The following DNMT3B variants were observed in gnomAD, a reference collection of about 807,000 sequenced individuals.
DNMT3B encodes DNA methyltransferase 3 beta.
In DNMT3B, 37 loss-of-function variants were observed where a neutral mutation model predicts 120.2. That is an observed-to-expected ratio of 0.31 (90% CI 0.24 to 0.40). The LOEUF is 0.40. DNMT3B is among the 10% of genes least tolerant of loss of function. The pLI, the probability that DNMT3B is intolerant of heterozygous loss-of-function variation, is 1.00. For missense variants in DNMT3B, 878 were observed against 1,137.3 expected, an observed-to-expected ratio of 0.77 and a Z score of 3.28; for synonymous variants, 412 against 442.8, an observed-to-expected ratio of 0.93 and a Z score of 0.87.
chr20:32,765,051 T>A (rs980424722), intron 1 of DNMT3B, among the ~76,000 whole-genome samples: 1 of 152,234 alleles, frequency 6.6e-6, no homozygotes, highest in African/African-American at 2.4e-5. Context: ...GCCGGCTGCC[T>A]CACCTCCAGG....
chr20:32,795,887 A>C (rs888035086), intron 12 of DNMT3B, among the ~76,000 whole-genome samples, 193 bp downstream of exon 12: 2 of 152,196 alleles, frequency 1.3e-5, no homozygotes, highest in African/African-American at 2.4e-5. Flanking sequence ...GCCCCTTAAG[A>C]GAAAGGTACA....
rs534208434 is a variant in DNMT3B at position 32,786,526 on chromosome 20, G to T, written c.331G>T (p.Val111Phe). The T allele has an allele frequency of 1.9e-6, 3 of 1,614,038 alleles. No individual in the cohort carries two copies. The African/African-American group carries it at 4.0e-5, about 21-fold the overall frequency. ...GGTCCGAACTCGAAATAACAACAGT[G>T]TCTCCAGCCGGGAGAGGCACAGGCC... ...PAVRTRNNNS[V>F]SSRERHRPSP... The change falls in exon 5 of 23, where the codon GTC becomes TTC. Residue 111 changes from valine to phenylalanine, a missense_variant. Around this residue, in one of 4 missense-constraint regions of DNMT3B, gnomAD observed 287 missense variants for 306.2 expected, o/e 0.94. Transcript: ENST00000328111.
chr20:32,799,585 T>TC (rs1257079976), intron 16 of DNMT3B, among the ~76,000 whole-genome samples: 1 of 152,222 alleles, frequency 6.6e-6, no homozygotes, highest in Non-Finnish European at 1.5e-5. Flanking sequence ...AATGGCGTGA[T>TC]CTGTGCTCAC....
chr20:32,801,512 C>T (rs1981340239), intron 19 of DNMT3B, 86 bp downstream of exon 19: 5 of 1,567,680 alleles, frequency 3.2e-6, no homozygotes, highest in Non-Finnish European at 4.4e-6. Context: ...GTGTTGCCAA[C>T]ATTGGGAATG....
intron 2 of DNMT3B, 102 bp downstream of exon 2, chr20:32,780,567 C>A: frequency 6.6e-7 from 1 of 1,513,022 alleles, no homozygotes; most frequent in Non-Finnish European, 8.9e-7. Flanking sequence ...CAACCTCCAC[C>A]ACAATTCCCC....
At chr20:32,775,067 A>C (rs2145879124) in intron 1 of DNMT3B, among the ~76,000 whole-genome samples, 1 of 152,234 alleles carries the variant, frequency 6.6e-6, no homozygotes, top group East Asian at 1.9e-4. Flanking sequence ...CATGTTGGCC[A>C]GGCTGGTCTT....
chr20:32,800,998 G>T (rs1054732292), intron 18 of DNMT3B, 73 bp downstream of exon 18: 1 of 1,566,908 alleles, frequency 6.4e-7, no homozygotes, highest in African/African-American at 1.4e-5. Context: ...GCAGCAGCCT[G>T]AGAAGGAGCC....
chr20:32,795,868 G>C (rs553598923), intron 12 of DNMT3B, among the ~76,000 whole-genome samples, 174 bp downstream of exon 12: 12 of 152,304 alleles, frequency 7.9e-5, no homozygotes, highest in African/African-American at 2.6e-4. Context: ...GGAATGAGTT[G>C]CCAATTGTGC....
chr20:32,782,234 A>C (rs960225868), intron 3 of DNMT3B, among the ~76,000 whole-genome samples: 1 of 152,260 alleles, frequency 6.6e-6, no homozygotes, highest in Non-Finnish European at 1.5e-5. Flanking sequence ...ACATGAACAG[A>C]AATATGTTCT....
chr20:32,780,392 C>T lies in DNMT3B; in HGVS notation c.69C>T (p.Val23=). Residue 23 remains valine (V), a synonymous_variant, in exon 2 of 23, where the codon GTC becomes GTT. Transcript: ENST00000328111. ...GCGGGAGGGAAGACTCGATCCTCGT[C>T]AACGGGGCCTGCAGCGACCAGTCCT... ...DAGGREDSIL[V]NGACSDQSSD... 4.3e-6 allele frequency: 7 copies of T among 1,613,932 alleles called. No homozygotes were observed. Among genetic ancestry groups the T allele is most frequent in the Non-Finnish European group, 5.9e-6 (7 of 1,180,000 alleles).
intron 14 of DNMT3B, 70 bp downstream of exon 14, chr20:32,797,369 A>G: frequency 6.9e-7 from 1 of 1,458,434 alleles, no homozygotes; most frequent in Admixed American, 1.7e-5. Flanking sequence ...CAGTCTGCAG[A>G]CAGCTGTCTG....
chr20:32,786,133 C>T (rs1329718875), intron 4 of DNMT3B, among the ~76,000 whole-genome samples: 1 of 152,234 alleles, frequency 6.6e-6, no homozygotes, highest in Non-Finnish European at 1.5e-5. Context: ...ATCTGCCCGC[C>T]TTGGCCTCCC....
chr20:32,764,778 C>A (rs2085596928), intron 1 of DNMT3B, among the ~76,000 whole-genome samples: 1 of 152,132 alleles, frequency 6.6e-6, no homozygotes, highest in African/African-American at 2.4e-5. Context: ...CTCTTAAAGT[C>A]ATAGACATAA....
chr20:32,789,703 C>T (rs1473405293), intron 7 of DNMT3B, among the ~76,000 whole-genome samples: 2 of 152,154 alleles, frequency 1.3e-5, no homozygotes, highest in African/African-American at 4.8e-5. Context: ...AAACAATTCT[C>T]CTGCCTCAGC....
intron 1 of DNMT3B, among the ~76,000 whole-genome samples, chr20:32,763,469 G>A (rs919385998): frequency 2.0e-5 from 3 of 152,180 alleles, no homozygotes; most frequent in African/African-American, 7.2e-5. Context: ...CTACCCTGGG[G>A]TCTTACCTTC....
chr20:32,778,196 C>T (rs1041182747), intron 1 of DNMT3B, among the ~76,000 whole-genome samples: 1 of 152,016 alleles, frequency 6.6e-6, no homozygotes, highest in African/African-American at 2.4e-5. Flanking sequence ...ATCAGCTGGG[C>T]GTGGTGGCGC....
chr20:32,780,028 C>A, intron 1 of DNMT3B: 1 of 1,541,224 alleles, frequency 6.5e-7, no homozygotes, highest in Non-Finnish European at 8.8e-7. Context: ...GCTAATTGCA[C>A]AGAGCAGTCT....
chr20:32,779,754 G>A, intron 1 of DNMT3B: 1 of 401,052 alleles, frequency 2.5e-6, no homozygotes. Context: ...GGGCCCTGGA[G>A]GATGGGGTGA....
intron 17 of DNMT3B, 78 bp from the exon 18 acceptor site, chr20:32,800,757 A>T: frequency 6.7e-7 from 1 of 1,502,998 alleles, no homozygotes; most frequent in Non-Finnish European, 9.3e-7. Context: ...GTCCAGCCCC[A>T]CGCAAGATTC....
Sources: gnomAD v4.1 joint callset for allele counts (sites outside exome capture counted in the v4.1 genomes callset) on GRCh38, gnomAD v4.1.1 for gene constraint, gnomAD v4.1.1 regional missense constraint, MANE v1.5 for transcripts, NCBI Gene and HGNC (gene_info 2026-07-23, HGNC 2026-07-21) for gene names.